MYLK3: variants seen among roughly 807,000 people sequenced by gnomAD.
MYLK3 encodes the protein MLC kinase.
A neutral mutation model predicts 76.3 loss-of-function variants in MYLK3; 55 were observed. The ratio of observed to expected loss-of-function variants is 0.72; its 90% CI spans 0.58 to 0.90. MYLK3 has a LOEUF of 0.90. Ranked by LOEUF, MYLK3 falls within the 40% of genes least tolerant of loss-of-function variation. The pLI, the probability that MYLK3 is intolerant of heterozygous loss-of-function variation, is 0.00. For missense variants in MYLK3, 973 were observed against 1,053.6 expected (o/e 0.92, Z 1.06); for synonymous variants, 416 against 425.4 (o/e 0.98, Z 0.27).
chr16:46,746,460 G>T (rs1967024728), intron 1 of MYLK3, among the ~76,000 whole-genome samples: 1 of 152,018 alleles, frequency 6.6e-6, no homozygotes, highest in South Asian at 2.1e-4. Context: ...TCACTCTGTG[G>T]CCCAGGCTGG....
chr16:46,710,505 G>A (rs953280464), intron 11 of MYLK3, 132 bp downstream of exon 11: 14 of 1,006,050 alleles, frequency 1.4e-5, no homozygotes, highest in African/African-American at 1.1e-4. Flanking sequence ...TTCCAAAGAA[G>A]TAGCAAACTA....
rs1181067659 is a variant in MYLK3 at position 46,703,115 on chromosome 16, GGAT to G, written c.*4586_*4588del. 6.6e-6 allele frequency among the ~76,000 whole-genome samples: 1 copy of G among 151,890 alleles called. No homozygotes were observed. Among genetic ancestry groups the G allele is most frequent in the Non-Finnish European group, 1.5e-5 (1 of 67,996 alleles). On this transcript the variant is annotated 3_prime_UTR_variant, in exon 13 of 13. Coordinates refer to ENST00000394809, the MANE Select transcript of MYLK3 (RefSeq NM_182493.3). ...ATAAGCATATGTCTCTTCACAAATG[GGAT>G]GATACCATATATACATTCTATAATT...
At chr16:46,748,954 AT>A (rs1270244839), upstream of MYLK3, among the ~76,000 whole-genome samples, 1 of 152,174 alleles carries the variant, frequency 6.6e-6, no homozygotes, top group African/African-American at 2.4e-5. This position sits in a 1 kb window ranked among gnomAD's most constrained non-coding sequence, Gnocchi z 4.3. Flanking sequence ...CCCGAGGGCC[AT>A]GTTCTTCACA....
chr16:46,718,610 C>T (rs1966768927), intron 9 of MYLK3, among the ~76,000 whole-genome samples: 1 of 152,204 alleles, frequency 6.6e-6, no homozygotes, highest in African/African-American at 2.4e-5. Context: ...TTTCCTTCCA[C>T]TCGTGGATGT....
At chr16:46,721,281 C>T (rs1019228868) in intron 8 of MYLK3, 88 bp from the exon 9 acceptor site, 11 of 1,273,112 alleles carry the variant, frequency 8.6e-6, no homozygotes, top group Non-Finnish European at 1.3e-5. Context: ...TGTTTTCCAG[C>T]CTTCAAGGGA....
intron 10 of MYLK3, chr16:46,711,678 A>G (rs1185755119): frequency 2.3e-6 from 1 of 429,324 alleles, no homozygotes; most frequent in Admixed American, 2.7e-5. Context: ...CATTTGTACC[A>G]AAGCACCTGC....
intron 1 of MYLK3, among the ~76,000 whole-genome samples, chr16:46,759,173 G>T (rs1160800140): frequency 6.6e-6 from 1 of 152,222 alleles, no homozygotes; most frequent in Admixed American, 6.5e-5. Context: ...ACTGCCTTCT[G>T]TGTGCAGTCC....
In MYLK3 at chr16:46,732,233, G is replaced by T. The variant is rs376686041; in HGVS notation, c.1437C>A (p.Gly479=). 8 of 1,592,342 alleles carry T rather than the reference G, an allele frequency of 5.0e-6. No homozygotes were observed. In the East Asian group the frequency reaches 1.8e-4, roughly 36 times the overall value. ...CCAGAACCACGCTGCCAGCCTCGGCGCCTGGGGGCATCCTCCTTACTGCTT... is the reference window on the plus strand; with the variant it reads ...CCAGAACCACGCTGCCAGCCTCGGCTCCTGGGGGCATCCTCCTTACTGCTT... ...RAEAVRRMPP[G]AEAGSVVLDD... is the part of the protein sequence containing the mutation. The change falls in exon 4 of 13, where the codon GGC becomes GGA. Residue 479 remains glycine (G), a synonymous_variant. Transcript: ENST00000394809.
At chr16:46,749,333 C>G (rs1967086543), upstream of MYLK3, among the ~76,000 whole-genome samples, 1 of 152,260 alleles carries the variant, frequency 6.6e-6, no homozygotes. Context: ...GTGGCCCAGG[C>G]AGGCACACGG....
upstream of MYLK3, among the ~76,000 whole-genome samples, chr16:46,748,876 A>T (rs1440713396): frequency 6.6e-6 from 1 of 152,300 alleles, no homozygotes; most frequent in East Asian, 1.9e-4. The surrounding 1 kb of genome is among the most constrained non-coding windows in gnomAD (Gnocchi z 4.3). Context: ...CGGAGCCCTC[A>T]GTGACTAGTC....
chr16:46,707,433 T>A lies in MYLK3; in HGVS notation c.*271A>T. The A allele has an allele frequency of 5.3e-6, 2 of 376,916 alleles. No individual in the cohort carries two copies. The highest frequency in any genetic ancestry group is 9.5e-6 in the Non-Finnish European group (2 of 210,244). The allele number at this position is 376,916 out of a possible 1,614,324, so 23.3% of individuals were successfully genotyped here. A position where few individuals can be genotyped will look rare whatever the true frequency, so the allele number is the denominator to read the frequency against. On this transcript the variant is annotated 3_prime_UTR_variant, in exon 13 of 13. Coordinates refer to ENST00000394809, the MANE Select transcript of MYLK3 (RefSeq NM_182493.3). ...AGATGCAAAGTACCTACCTAAAGCA[T>A]CCCTACACTTACCACCAAAAGTAGG...
chr16:46,752,665 G>A (rs901457384), upstream of MYLK3, among the ~76,000 whole-genome samples: 1 of 152,114 alleles, frequency 6.6e-6, no homozygotes, highest in Non-Finnish European at 1.5e-5. Context: ...CTTGAGCCCA[G>A]GAGTTCAAGA....
rs947274550 is a variant in MYLK3, at chr16:46,754,757, A to G, written c.-114+8283T>C. On this transcript the variant is annotated intron_variant, in intron 1 of 11. Coordinates refer to the MYLK3 transcript ENST00000536476. The stretch of plus-strand genomic sequence containing the variant: ...AGAATGACATGAAACTTCTCATCCT[A>G]AAAACAACTGGATGCTGGAAGAGAG... Among the ~76,000 whole-genome samples the G allele has an allele frequency of 2.6e-5, 4 of 152,194 alleles. No homozygotes were observed. The East Asian group carries it at 7.7e-4, about 29-fold the overall frequency.
chr16:46,711,023 T>C (rs2143012545), intron 10 of MYLK3: 3 of 537,204 alleles, frequency 5.6e-6, no homozygotes, highest in Middle Eastern at 1.0e-3. Flanking sequence ...AGTCCCCTCT[T>C]GTGCTCACCT....
At chr16:46,711,363 C>T (rs1966681460) in intron 10 of MYLK3, among the ~76,000 whole-genome samples, 1 of 152,146 alleles carries the variant, frequency 6.6e-6, no homozygotes, top group African/African-American at 2.4e-5. Flanking sequence ...TAAAACATGA[C>T]TTTACCTCTG....
In MYLK3 at chr16:46,732,443, G is replaced by C. The variant is rs769416630; in HGVS notation, c.1227C>G (p.Pro409=). Residue 409 remains proline (P), a synonymous_variant, in exon 4 of 13, where the codon CCC becomes CCG. Transcript: ENST00000394809. ...ELSPLQESSS[P]GGVKAEEEQR... ...GCTCCTCCTCTGCCTTCACTCCCCC[G>C]GGGCTGCTGCTCTCCTGCAGCGGGG... The C allele has an allele frequency of 2.5e-6, 4 of 1,612,612 alleles. No individual in the cohort carries two copies. The highest frequency in any genetic ancestry group is 3.3e-5 in the Admixed American group (2 of 60,024).
chr16:46,730,007 C>A, intron 5 of MYLK3: 1 of 478,116 alleles, frequency 2.1e-6, no homozygotes, highest in Non-Finnish European at 3.8e-6. Flanking sequence ...AACATCCCCT[C>A]ACCCCACACC....
chr16:46,741,541 C>T (rs560464331), intron 1 of MYLK3, among the ~76,000 whole-genome samples: 1 of 152,346 alleles, frequency 6.6e-6, no homozygotes, highest in South Asian at 2.1e-4. Context: ...AATCCTGGCA[C>T]ATGTTACAGC....
intron 1 of MYLK3, among the ~76,000 whole-genome samples, chr16:46,744,809 G>A (rs1394878036): frequency 6.6e-6 from 1 of 152,036 alleles, no homozygotes; most frequent in Non-Finnish European, 1.5e-5. Context: ...AGACCAGCCT[G>A]GGCAATGTAG....
Sources: gnomAD v4.1 joint callset for allele counts (sites outside exome capture counted in the v4.1 genomes callset) on GRCh38, gnomAD v4.1.1 for gene constraint, Gnocchi (gnomAD v3.1) non-coding constraint, MANE v1.5 for transcripts, NCBI Gene and HGNC (gene_info 2026-07-23, HGNC 2026-07-21) for gene names.